DLGAP1: variants seen among roughly 807,000 people sequenced by gnomAD.
DLGAP1 encodes disks large-associated protein 1.
Under a neutral mutation model 90.8 loss-of-function variants are expected in DLGAP1, and 11 were observed. The observed-to-expected ratio is 0.12, with a 90% CI of 0.08 to 0.20. DLGAP1 has a LOEUF of 0.20. Ranked by LOEUF, DLGAP1 falls within the 10% of genes least tolerant of loss-of-function variation. The pLI is 1.00. For synonymous variants in DLGAP1, 558 were observed against 540.7 expected, an observed-to-expected ratio of 1.03 and a Z score of -0.44; for missense variants, 1,050 against 1,333.8, an observed-to-expected ratio of 0.79 and a Z score of 3.31.
intron 1 of DLGAP1, among the ~76,000 whole-genome samples, chr18:4,170,516 G>GA (rs1429453443): frequency 6.6e-6 from 1 of 151,944 alleles, no homozygotes; most frequent in Non-Finnish European, 1.5e-5. Context: ...AGTAGGGCCT[G>GA]AAAAAAATAA....
chr18:3,649,203 G>C (rs1167566688), intron 7 of DLGAP1, among the ~76,000 whole-genome samples: 1 of 152,204 alleles, frequency 6.6e-6, no homozygotes, highest in African/African-American at 2.4e-5. Context: ...GTCAGCACTT[G>C]TTTGTTGCCT....
chr18:4,355,270 G>A (rs2144029842), intron 1 of DLGAP1, among the ~76,000 whole-genome samples: 1 of 152,316 alleles, frequency 6.6e-6, no homozygotes, highest in African/African-American at 2.4e-5. Context: ...CTACTACCTA[G>A]CCATAAAAGG....
At chr18:3,658,142 G>A (rs2059567678) in intron 7 of DLGAP1, among the ~76,000 whole-genome samples, 1 of 152,182 alleles carries the variant, frequency 6.6e-6, no homozygotes, top group Admixed American at 6.5e-5. Context: ...AAGTTGGGCA[G>A]AGATGTGCAG....
intron 5 of DLGAP1, among the ~76,000 whole-genome samples, chr18:3,809,432 A>G (rs1172856276): frequency 6.6e-6 from 1 of 152,230 alleles, no homozygotes; most frequent in Non-Finnish European, 1.5e-5. Flanking sequence ...CAGGGGGAAA[A>G]ATGAAGATTA....
intron 2 of DLGAP1, among the ~76,000 whole-genome samples, chr18:4,124,504 T>TCGTAAGATA (rs1416748069): frequency 6.6e-6 from 1 of 152,226 alleles, no homozygotes; most frequent in African/African-American, 2.4e-5. Context: ...GGCCTCTGGC[T>TCGTAAGATA]CGTAAGATAC....
intron 7 of DLGAP1, among the ~76,000 whole-genome samples, chr18:3,684,759 G>A (rs961807135): frequency 5.1e-5 from 7 of 136,464 alleles, no homozygotes; most frequent in South Asian, 2.2e-4. Context: ...AAATTGCAGA[G>A]ATTCTGATGA....
intron 1 of DLGAP1, among the ~76,000 whole-genome samples, chr18:4,193,570 A>G (rs1169657331): frequency 6.6e-6 from 1 of 152,242 alleles, no homozygotes; most frequent in Non-Finnish European, 1.5e-5. Context: ...ATATAAAATG[A>G]AACAATTTTG....
chr18:4,161,298 G>A (rs1412853126), intron 1 of DLGAP1, among the ~76,000 whole-genome samples: 1 of 152,008 alleles, frequency 6.6e-6, no homozygotes, highest in African/African-American at 2.4e-5. Flanking sequence ...ACGTGTCCAT[G>A]TGTTCTCATT....
chr18:4,422,333 A>G (rs1431987048), intron 1 of DLGAP1, among the ~76,000 whole-genome samples: 5 of 152,014 alleles, frequency 3.3e-5, no homozygotes, highest in Admixed American at 6.6e-5. Context: ...TCAAATGAAA[A>G]GTTTATAAAA....
At chr18:4,336,912 AAC>A (rs1462632863) in intron 1 of DLGAP1, among the ~76,000 whole-genome samples, 1 of 146,484 alleles carries the variant, frequency 6.8e-6, no homozygotes, top group East Asian at 2.1e-4. Flanking sequence ...CATCCTGGCT[AAC>A]ACAGTGAAAC....
intron 2 of DLGAP1, among the ~76,000 whole-genome samples, chr18:4,131,831 G>T (rs1452787795): frequency 2.6e-5 from 4 of 152,282 alleles, no homozygotes; most frequent in African/African-American, 9.6e-5. Flanking sequence ...CTGTGCAAAT[G>T]TTAAAAGAAC....
rs187800789 is a variant in DLGAP1, at chr18:4,089,861, C to A, written c.-159+61319G>T. ...GAGATCGAGACCATCCTGGCTAACA[C>A]GGTGAAACCCCGTCTCTACTAAAAA... is the stretch of plus-strand genomic sequence containing the variant. On this transcript the variant is annotated intron_variant, in intron 2 of 12. Transcript: ENST00000315677. Among the ~76,000 whole-genome samples, 661 of 152,168 alleles carry A rather than the reference C, an allele frequency of 4.3e-3. 9 individuals carry two copies. Among genetic ancestry groups the A allele is most frequent in the African/African-American group, 0.014 (566 of 41,534 alleles).
At chr18:4,440,608 AG>A (rs1165969511) in intron 1 of DLGAP1, among the ~76,000 whole-genome samples, 1 of 152,220 alleles carries the variant, frequency 6.6e-6, no homozygotes, top group Non-Finnish European at 1.5e-5. Flanking sequence ...ACCAAACAAA[AG>A]TGCCAGAAAT....
At chr18:3,754,795 C>G (rs1018873155) in intron 5 of DLGAP1, among the ~76,000 whole-genome samples, 1 of 150,572 alleles carries the variant, frequency 6.6e-6, no homozygotes, top group Non-Finnish European at 1.5e-5. Flanking sequence ...ACTTGGGAGG[C>G]TGAGGCAGGA....
chr18:3,977,757 C>G, intron 3 of DLGAP1: 1 of 355,808 alleles, frequency 2.8e-6, no homozygotes, highest in Non-Finnish European at 5.4e-6. Context: ...CAATGCCCAC[C>G]CCAGCTTTGA....
Position 4,342,642 on chromosome 18 carries a change from T to C in DLGAP1, c.-267+112364A>G, listed in dbSNP as rs1284174099. Among the ~76,000 whole-genome samples the C allele has an allele frequency of 1.3e-5, 2 of 152,128 alleles. No individual in the cohort carries two copies. The highest frequency in any genetic ancestry group is 4.8e-5 in the African/African-American group (2 of 41,430). ...AGAGGGAAATTAGCTCTATTGAAAATGTATTTGTTTTGGTTTTGGTTAATA... is the reference window on the plus strand; with the variant it reads ...AGAGGGAAATTAGCTCTATTGAAAACGTATTTGTTTTGGTTTTGGTTAATA... On this transcript the variant is annotated intron_variant, in intron 1 of 12. Coordinates refer to ENST00000315677, the MANE Select transcript of DLGAP1 (RefSeq NM_004746.4). This position sits in a 1 kb window ranked among gnomAD's most constrained non-coding sequence, Gnocchi z 5.8.
chr18:3,735,018 G>T (rs1218357103), intron 6 of DLGAP1, among the ~76,000 whole-genome samples: 1 of 151,866 alleles, frequency 6.6e-6, no homozygotes, highest in African/African-American at 2.4e-5. Context: ...AATGCATTTT[G>T]TTACTTTGTG....
intron 7 of DLGAP1, among the ~76,000 whole-genome samples, chr18:3,690,733 A>G (rs866384316): frequency 7.2e-5 from 11 of 152,236 alleles, no homozygotes; most frequent in Middle Eastern, 6.8e-3. Flanking sequence ...TGTAATGTCT[A>G]TTCTTTTTTT....
At chr18:3,863,477 G>A (rs191902726) in intron 4 of DLGAP1, among the ~76,000 whole-genome samples, 69 of 152,278 alleles carry the variant, frequency 4.5e-4, no homozygotes, top group South Asian at 1.7e-3. Context: ...TAATAAACCC[G>A]TTCATTATTC....
Sources: gnomAD v4.1 joint callset for allele counts (sites outside exome capture counted in the v4.1 genomes callset) on GRCh38, gnomAD v4.1.1 for gene constraint, Gnocchi (gnomAD v3.1) non-coding constraint, MANE v1.5 for transcripts, NCBI Gene and HGNC (gene_info 2026-07-23, HGNC 2026-07-21) for gene names.